GRAMD1B: variants seen among roughly 807,000 people sequenced by gnomAD.
The protein encoded by GRAMD1B is protein Aster-B.
In GRAMD1B, 37 loss-of-function variants were observed where a neutral mutation model predicts 99.7. The ratio of observed to expected loss-of-function variants is 0.37; its 90% CI spans 0.29 to 0.49. The LOEUF (loss-of-function observed/expected upper bound fraction) is 0.49, where lower values mean the gene tolerates loss of function less well. Ranked by LOEUF, GRAMD1B falls within the 20% of genes least tolerant of loss-of-function variation. The pLI is 0.98. For missense variants in GRAMD1B, 888 were observed against 1,009.2 expected (o/e 0.88, Z 1.63); for synonymous variants, 427 against 387.6 (o/e 1.10, Z -1.19).
rs190359278 is a variant in GRAMD1B at position 123,506,398 on chromosome 11, T to G, written c.452+25505T>G. On this transcript the variant is annotated intron_variant, in intron 2 of 19. Coordinates refer to ENST00000635736, the MANE Select transcript of GRAMD1B (RefSeq NM_001387025.1). ...CCTCTTTTCAAAAGCATGTTTTTTGTTTTTTTTTTTCTGTCTCTCTTTAAC... is the reference window on the plus strand; with the variant it reads ...CCTCTTTTCAAAAGCATGTTTTTTGGTTTTTTTTTTCTGTCTCTCTTTAAC... Among the ~76,000 whole-genome samples the G allele has an allele frequency of 6.6e-3, 953 of 145,322 alleles. 7 individuals are homozygous for G. The highest frequency in any genetic ancestry group is 0.028 in the Middle Eastern group (8 of 282).
At chr11:123,614,610 G>T (rs370000700) in intron 16 of GRAMD1B, 135 bp from the exon 17 acceptor site, 2 of 578,526 alleles carry the variant, frequency 3.5e-6, no homozygotes, top group South Asian at 2.4e-5. Flanking sequence ...GGCAGTCTCC[G>T]CATATCGTTG....
intron 1 of GRAMD1B, among the ~76,000 whole-genome samples, chr11:123,404,820 GCAGCTTTTGCAGTGCTCATGAGAGGGGCT>G (rs1220640942): frequency 1.3e-5 from 2 of 152,240 alleles, no homozygotes; most frequent in African/African-American, 4.8e-5. Context: ...AACGCAGCCT[GCAGCTTTTGCAGTGCTCATGAGAGGGGCT>G]CAGCTGCCAA....
At chr11:123,525,966 G>T (rs35709687) in intron 2 of GRAMD1B, 5 of 605,832 alleles carry the variant, frequency 8.3e-6, no homozygotes, top group South Asian at 2.1e-5. Context: ...GGGAAGAAGG[G>T]GCAGTGGCAG....
intron 2 of GRAMD1B, among the ~76,000 whole-genome samples, chr11:123,531,730 GTTTTTTTTTT>G (rs57528529): frequency 7.7e-5 from 6 of 78,082 alleles, no homozygotes; most frequent in Admixed American, 1.6e-4. Flanking sequence ...TTGCTAGATG[GTTTTTTTTTT>G]TTTTTTTTTT....
At chr11:123,363,152 C>T (rs1232811593) in intron 1 of GRAMD1B, among the ~76,000 whole-genome samples, 1 of 152,128 alleles carries the variant, frequency 6.6e-6, no homozygotes, top group Non-Finnish European at 1.5e-5. Context: ...AGAATGCAAG[C>T]GAGCCAGCAG....
At chr11:123,402,044 G>C (rs1406545844) in intron 1 of GRAMD1B, among the ~76,000 whole-genome samples, 1 of 152,168 alleles carries the variant, frequency 6.6e-6, no homozygotes, top group Non-Finnish European at 1.5e-5. Flanking sequence ...GTCCCCAAAA[G>C]GCCACGTTCT....
intron 1 of GRAMD1B, among the ~76,000 whole-genome samples, chr11:123,413,291 T>G (rs1948115875): frequency 6.6e-6 from 1 of 152,170 alleles, no homozygotes; most frequent in African/African-American, 2.4e-5. Flanking sequence ...TATCATTCCC[T>G]TTATCTCTCT....
intron 2 of GRAMD1B, among the ~76,000 whole-genome samples, chr11:123,567,859 A>G (rs1947566504): frequency 6.6e-6 from 1 of 152,224 alleles, no homozygotes; most frequent in Non-Finnish European, 1.5e-5. Context: ...CTGGAAGGGT[A>G]ACTGAAGTGC....
intron 1 of GRAMD1B, among the ~76,000 whole-genome samples, chr11:123,433,135 C>T (rs1948980708): frequency 1.3e-5 from 2 of 150,896 alleles, no homozygotes; most frequent in Non-Finnish European, 2.9e-5. Flanking sequence ...GGGAGGGTCA[C>T]CTGAGGTGAG....
At chr11:123,571,570 T>C (rs531645667) in intron 2 of GRAMD1B, among the ~76,000 whole-genome samples, 2 of 152,264 alleles carry the variant, frequency 1.3e-5, no homozygotes, top group East Asian at 3.9e-4. Context: ...TAATAGTCTG[T>C]GTTGCAGGTC....
At chr11:123,501,845 A>G (rs1219774351) in intron 2 of GRAMD1B, among the ~76,000 whole-genome samples, 3 of 152,214 alleles carry the variant, frequency 2.0e-5, no homozygotes, top group Non-Finnish European at 4.4e-5. Context: ...TTAATTGGCA[A>G]GTTATATGTG....
At chr11:123,412,335 T>G (rs1447777778) in intron 1 of GRAMD1B, among the ~76,000 whole-genome samples, 1 of 152,262 alleles carries the variant, frequency 6.6e-6, no homozygotes, top group East Asian at 1.9e-4. Flanking sequence ...CCATTTGTTG[T>G]GTGCCTATCA....
intron 4 of GRAMD1B, among the ~76,000 whole-genome samples, chr11:123,586,173 G>T (rs1054990859): frequency 6.6e-6 from 1 of 152,154 alleles, no homozygotes; most frequent in African/African-American, 2.4e-5. Context: ...CTGGAGGATG[G>T]GGTGGGCCAG....
At chr11:123,544,401 CCTAA>C (rs1181356245) in intron 2 of GRAMD1B, among the ~76,000 whole-genome samples, 2 of 152,326 alleles carry the variant, frequency 1.3e-5, no homozygotes, top group East Asian at 1.9e-4. Context: ...ACCTTTCCTT[CCTAA>C]CTCTTTCTAC....
chr11:123,477,684 CTCCCTTCCTT>C (rs967535372), intron 1 of GRAMD1B, among the ~76,000 whole-genome samples: 4 of 135,146 alleles, frequency 3.0e-5, no homozygotes, highest in Non-Finnish European at 4.7e-5. Context: ...CCTTCTCCTT[CTCCCTTCCTT>C]TCCCTTCCTT....
rs116547350 is a variant in GRAMD1B at position 123,368,240 on chromosome 11, C to A, written c.-176+9441C>A. ...TTGCACTCCTGCCTGGGCGACAGTG[C>A]GAAACTACATCTTAAAACAAAAAAA... is the stretch of plus-strand genomic sequence containing the variant. On this transcript the variant is annotated intron_variant, in intron 1 of 20. Coordinates refer to the GRAMD1B transcript ENST00000638157. Among the ~76,000 whole-genome samples, 174 of 120,320 alleles carry A rather than the reference C, an allele frequency of 1.4e-3. 1 individual carries two copies. Among genetic ancestry groups the A allele is most frequent in the African/African-American group, 5.9e-3 (171 of 29,054 alleles). The allele number at this position is 120,320 out of a possible 152,430, so 78.9% of individuals were successfully genotyped here.
intron 2 of GRAMD1B, chr11:123,525,632 T>C (rs1942636071): frequency 5.8e-6 from 1 of 171,546 alleles, no homozygotes; most frequent in Non-Finnish European, 1.3e-5. Flanking sequence ...CTGCATTGAT[T>C]AGGAGATTAT....
intron 18 of GRAMD1B, 127 bp from the exon 19 acceptor site, chr11:123,618,980 A>G: frequency 4.4e-6 from 3 of 686,432 alleles, no homozygotes; most frequent in Non-Finnish European, 7.7e-6. Flanking sequence ...GCACAGGGGA[A>G]CCGGGGGCAG....
intron 1 of GRAMD1B, among the ~76,000 whole-genome samples, chr11:123,398,155 C>A (rs1303410419): frequency 6.6e-6 from 1 of 152,134 alleles, no homozygotes; most frequent in Non-Finnish European, 1.5e-5. Flanking sequence ...TATGAGTTTT[C>A]CAAAGTGCTT....
Sources: gnomAD v4.1 joint callset for allele counts (sites outside exome capture counted in the v4.1 genomes callset) on GRCh38, gnomAD v4.1.1 for gene constraint, MANE v1.5 for transcripts, NCBI Gene and HGNC (gene_info 2026-07-23, HGNC 2026-07-21) for gene names.